PPP2R5A: variants seen among roughly 807,000 people sequenced by gnomAD.
PPP2R5A encodes the protein serine/threonine-protein phosphatase 2A 56 kDa regulatory subunit alpha isoform.
Under a neutral mutation model 64.2 loss-of-function variants are expected in PPP2R5A, and 25 were observed. The observed-to-expected ratio is 0.39, with a 90% confidence interval of 0.28 to 0.54. The LOEUF is 0.54. Among genes scored for constraint, PPP2R5A ranks in the 20% least tolerant of loss-of-function variants. The pLI, the probability that PPP2R5A is intolerant of heterozygous loss-of-function variation, is 0.67. For missense variants in PPP2R5A, 425 were observed against 576.3 expected (o/e 0.74, Z 2.69); for synonymous variants, 198 against 201.2 (o/e 0.98, Z 0.13).
At chr1:212,324,363 A>G (rs1659370140) in intron 1 of PPP2R5A, among the ~76,000 whole-genome samples, 1 of 152,222 alleles carries the variant, frequency 6.6e-6, no homozygotes, top group Non-Finnish European at 1.5e-5. Flanking sequence ...CCATCACATA[A>G]GCAGTCTGTT....
At chr1:212,331,184 A>G (rs997479545) in intron 2 of PPP2R5A, among the ~76,000 whole-genome samples, 110 of 150,620 alleles carry the variant, frequency 7.3e-4, no homozygotes, top group Admixed American at 1.6e-3. Flanking sequence ...AAAAAAAAAA[A>G]AGAGAGTGTC....
In PPP2R5A at chr1:212,301,938, T is replaced by G. The variant is rs1658805359; in HGVS notation, c.181+15647T>G. 5 of 1,327,324 alleles carry G rather than the reference T, an allele frequency of 3.8e-6. No individual in the cohort carries two copies. In the South Asian group the frequency reaches 9.2e-5, roughly 24 times the overall value. 82.2% of individuals were successfully genotyped at this position (1,327,324 alleles called of 1,614,324 possible). On this transcript the variant is annotated intron_variant, in intron 1 of 12. Coordinates refer to ENST00000261461, the MANE Select transcript of PPP2R5A (RefSeq NM_006243.4). ...AAATTATAGTTATAAAATTATTATT[T>G]GTTAGAAATGATTCCTGCTACTTCA...
chr1:212,296,272 A>T (rs959474864), intron 1 of PPP2R5A, among the ~76,000 whole-genome samples: 1 of 152,002 alleles, frequency 6.6e-6, no homozygotes, highest in Non-Finnish European at 1.5e-5. Context: ...GTATTTTGGA[A>T]ATTTTAAATT....
intron 2 of PPP2R5A, 109 bp from the exon 3 acceptor site, chr1:212,333,388 C>T: frequency 1.7e-6 from 1 of 603,750 alleles, no homozygotes; most frequent in Non-Finnish European, 2.7e-6. Context: ...TTGAACTAAG[C>T]TTACAGCTAT....
At chr1:212,294,623 C>A (rs935864070) in intron 1 of PPP2R5A, among the ~76,000 whole-genome samples, 2 of 152,074 alleles carry the variant, frequency 1.3e-5, no homozygotes, top group Admixed American at 6.5e-5. Flanking sequence ...TTTTGGTGAA[C>A]CGCTGCAGAG....
chr1:212,299,907 G>C (rs781746516), intron 1 of PPP2R5A, among the ~76,000 whole-genome samples: 41 of 151,972 alleles, frequency 2.7e-4, no homozygotes, highest in Admixed American at 1.1e-3. Context: ...CCACATCATG[G>C]GTTCAAGCAG....
intron 1 of PPP2R5A, among the ~76,000 whole-genome samples, chr1:212,320,876 G>A (rs1571590935): frequency 1.4e-5 from 2 of 139,308 alleles, no homozygotes; most frequent in East Asian, 2.3e-4. Flanking sequence ...TCACTTCCCA[G>A]TAGGGGCGGC....
intron 1 of PPP2R5A, among the ~76,000 whole-genome samples, chr1:212,324,276 G>A (rs1329540914): frequency 6.6e-6 from 1 of 152,114 alleles, no homozygotes; most frequent in African/African-American, 2.4e-5. Context: ...TCTGAATACT[G>A]TAGGCAGTTT....
intron 1 of PPP2R5A, among the ~76,000 whole-genome samples, chr1:212,311,312 C>T (rs757684034): frequency 3.3e-5 from 5 of 151,882 alleles, no homozygotes; most frequent in East Asian, 1.9e-4. Context: ...ACTAAAAATA[C>T]GAAAAATTAG....
chr1:212,331,185 A>G (rs533408161), intron 2 of PPP2R5A, among the ~76,000 whole-genome samples: 1 of 131,554 alleles, frequency 7.6e-6, no homozygotes, highest in East Asian at 2.2e-4. Context: ...AAAAAAAAAA[A>G]GAGAGTGTCT....
rs1178376103 is a variant in PPP2R5A, at chr1:212,356,940, T to C, written c.979-10T>C. On this transcript the variant is annotated splice_polypyrimidine_tract_variant and intron_variant, in intron 9 of 12. Coordinates refer to ENST00000261461, the MANE Select transcript of PPP2R5A (RefSeq NM_006243.4). ...ATCATGTTTCTTAAAATAAAATTTT[T>C]TTAACCTAGGTGATGTTTTTAGGAG... The C allele has an allele frequency of 6.6e-7, 1 of 1,525,398 alleles. No individual in the cohort carries two copies. The allele number at this position is 1,525,398 out of a possible 1,614,324, so 94.5% of individuals were successfully genotyped here. A position where few individuals can be genotyped will look rare whatever the true frequency, so the allele number is the denominator to read the frequency against.
At position 212,285,897 on chromosome 1, in the gene PPP2R5A, C is replaced by T. The variant is rs1571568193; in HGVS notation, c.-214C>T. On this transcript the variant is annotated 5_prime_UTR_variant, in exon 1 of 13. Transcript: ENST00000261461. ...TCAGCCCCGGGAGCTCGCCGCGCGC[C>T]GGGGACCAGGAACCTCCAGCGCTGA... is the stretch of plus-strand genomic sequence containing the variant. 10 of 424,272 alleles carry T rather than the reference C, an allele frequency of 2.4e-5. No individual in the cohort carries two copies. In the East Asian group the frequency reaches 3.9e-4, roughly 16 times the overall value. 26.3% of individuals were successfully genotyped at this position (424,272 alleles called of 1,614,324 possible). A position where few individuals can be genotyped will look rare whatever the true frequency, so the allele number is the denominator to read the frequency against.
intron 1 of PPP2R5A, among the ~76,000 whole-genome samples, chr1:212,305,506 G>A (rs920389940): frequency 3.9e-5 from 6 of 151,946 alleles, no homozygotes; most frequent in Non-Finnish European, 8.8e-5. Flanking sequence ...GTTGTTGGGT[G>A]GAGTGTTCTA....
At chr1:212,346,371 A>G (rs1659778177) in intron 5 of PPP2R5A, among the ~76,000 whole-genome samples, 1 of 151,842 alleles carries the variant, frequency 6.6e-6, no homozygotes, top group African/African-American at 2.4e-5. Flanking sequence ...ATTTGCTTGT[A>G]GTCATCCCTC....
At chr1:212,324,744 A>G (rs1385847743) in intron 1 of PPP2R5A, among the ~76,000 whole-genome samples, 1 of 151,850 alleles carries the variant, frequency 6.6e-6, no homozygotes, top group Non-Finnish European at 1.5e-5. Flanking sequence ...AGCTGGGACT[A>G]CAGGTGCCTG....
intron 2 of PPP2R5A, 47 bp from the exon 3 acceptor site, chr1:212,333,445 CCAATT>C (rs1659541352): frequency 2.6e-6 from 3 of 1,159,760 alleles, no homozygotes; most frequent in South Asian, 1.8e-5. Flanking sequence ...TTTGAATTGT[CCAATT>C]CAATTACACA....
At chr1:212,288,426 T>C (rs1459249287) in intron 1 of PPP2R5A, among the ~76,000 whole-genome samples, 1 of 152,224 alleles carries the variant, frequency 6.6e-6, no homozygotes, top group African/African-American at 2.4e-5. Flanking sequence ...TGGTCACTAG[T>C]AAAGAAGAAA....
At chr1:212,338,795 AAAAG>A (rs1046739729) in intron 3 of PPP2R5A, among the ~76,000 whole-genome samples, 9 of 151,950 alleles carry the variant, frequency 5.9e-5, no homozygotes, top group African/African-American at 2.2e-4. Flanking sequence ...TCAAAAAAAA[AAAAG>A]AAAGAAAACA....
intron 2 of PPP2R5A, among the ~76,000 whole-genome samples, chr1:212,329,760 C>T (rs914996879): frequency 2.0e-5 from 3 of 152,180 alleles, no homozygotes; most frequent in African/African-American, 7.2e-5. Context: ...AGTTCTCTGC[C>T]TCAGCCTCCC....
Sources: gnomAD v4.1 joint callset for allele counts (sites outside exome capture counted in the v4.1 genomes callset) on GRCh38, gnomAD v4.1.1 for gene constraint, MANE v1.5 for transcripts, NCBI Gene and HGNC (gene_info 2026-07-23, HGNC 2026-07-21) for gene names.